The following STK38L variants were observed in gnomAD, a reference collection of about 807,000 sequenced individuals.
STK38L encodes the protein serine/threonine kinase 38 like.
STK38L carries 28 observed loss-of-function variants against 59.7 expected under a neutral mutation model. The ratio of observed to expected loss-of-function variants is 0.47; its 90% CI spans 0.35 to 0.64. The LOEUF is 0.64. STK38L is among the 30% of genes least tolerant of loss of function. The pLI is 0.01. For synonymous variants in STK38L, 162 were observed against 176.8 expected, an observed-to-expected ratio of 0.92 and a Z score of 0.66; for missense variants, 314 against 555.8, an observed-to-expected ratio of 0.56 and a Z score of 4.37.
Position 27,297,746 on chromosome 12 carries a change from C to T in STK38L, c.26C>T (p.Thr9Ile), listed in dbSNP as rs1944060163. Residue 9 changes from threonine to isoleucine, a missense_variant, in exon 2 of 14, where the codon ACA (threonine) becomes ATA (isoleucine). By Grantham distance (89) the Thr-to-Ile change is moderately conservative (BLOSUM62 -1). This residue lies in a region of STK38L where 192 missense variants were observed against 316.9 expected (regional missense o/e 0.61). Transcript: ENST00000389032. MAMTAGTT[T>I]TFPMSNHTRE... Reference sequence around the variant, plus strand: ...ATGGCAATGACGGCAGGGACTACAACAACCTTTCCTATGAGCAACCATACC... The same window carrying T: ...ATGGCAATGACGGCAGGGACTACAATAACCTTTCCTATGAGCAACCATACC... 6.2e-7 allele frequency: 1 copy of T among 1,613,976 alleles called. No individual in the cohort carries two copies. Among genetic ancestry groups the T allele is most frequent in the East Asian group, 2.2e-5 (1 of 44,876 alleles).
chr12:27,320,045 T>G (rs2136653282), intron 12 of STK38L, among the ~76,000 whole-genome samples: 1 of 152,324 alleles, frequency 6.6e-6, no homozygotes, highest in East Asian at 1.9e-4. Context: ...GGCGATTGCC[T>G]CATCTGCAGG....
intron 1 of STK38L, among the ~76,000 whole-genome samples, chr12:27,256,303 T>C (rs777134111): frequency 6.6e-6 from 1 of 152,216 alleles, no homozygotes; most frequent in Non-Finnish European, 1.5e-5. Context: ...GGCTCCTTAG[T>C]GTGACACATG....
intron 1 of STK38L, among the ~76,000 whole-genome samples, chr12:27,288,153 A>C (rs891882805): frequency 6.6e-6 from 1 of 152,204 alleles, no homozygotes; most frequent in South Asian, 2.1e-4. Context: ...AAGGGGTTAC[A>C]GAGACATGAG....
chr12:27,320,028 A>C (rs1591948701), intron 12 of STK38L, among the ~76,000 whole-genome samples: 1 of 152,190 alleles, frequency 6.6e-6, no homozygotes, highest in South Asian at 2.1e-4. Flanking sequence ...TTAGGACTGC[A>C]GGATATGGCG....
chr12:27,254,807 C>T (rs911582221), intron 1 of STK38L, among the ~76,000 whole-genome samples: 4 of 151,848 alleles, frequency 2.6e-5, no homozygotes, highest in Non-Finnish European at 2.9e-5. Context: ...AGAGAGGGGG[C>T]GGGAGAAAAA....
chr12:27,248,804 G>A (rs753887913), intron 1 of STK38L, among the ~76,000 whole-genome samples: 2 of 152,170 alleles, frequency 1.3e-5, no homozygotes, highest in African/African-American at 2.4e-5. Context: ...TTTAAAGCAC[G>A]TGTGTTTATA....
At chr12:27,302,409 G>A (rs371527192) in intron 3 of STK38L, 2 of 343,370 alleles carry the variant, frequency 5.8e-6, no homozygotes, top group East Asian at 4.8e-5. Context: ...ATTGCCAAGT[G>A]TATTTTAGGT....
chr12:27,308,419 C>CT lies in STK38L; in HGVS notation c.270dup (p.Glu91Ter). ...AAAGGACCAGACTTGGCTTGGATGA[C>CT]TTTGAGTCTCTGAAAGTTATAGGAA... On this transcript the variant is annotated frameshift_variant, in exon 4 of 14. Transcript: ENST00000389032. LOFTEE classifies it high-confidence loss of function. This position sits in a 1 kb window ranked among gnomAD's most constrained non-coding sequence, Gnocchi z 4.5. 6.3e-7 allele frequency: 1 copy of CT among 1,597,216 alleles called. No individual in the cohort carries two copies. Among genetic ancestry groups the CT allele is most frequent in the Non-Finnish European group, 8.5e-7 (1 of 1,169,992 alleles).
chr12:27,295,316 A>G (rs770463531), intron 1 of STK38L, among the ~76,000 whole-genome samples: 1 of 152,228 alleles, frequency 6.6e-6, no homozygotes, highest in Non-Finnish European at 1.5e-5. Flanking sequence ...AGGCCTGTGA[A>G]CCAGGCAGAG....
At chr12:27,268,080 TCTG>T (rs1943337077) in intron 1 of STK38L, among the ~76,000 whole-genome samples, 1 of 152,216 alleles carries the variant, frequency 6.6e-6, no homozygotes, top group Non-Finnish European at 1.5e-5. Context: ...ACAATTATCT[TCTG>T]CTAGTCGGTG....
At chr12:27,251,650 A>G (rs183039639) in intron 1 of STK38L, among the ~76,000 whole-genome samples, 24 of 152,380 alleles carry the variant, frequency 1.6e-4, no homozygotes, top group Admixed American at 8.5e-4. Context: ...TACAGTGCTG[A>G]AATAAATGAT....
intron 7 of STK38L, 139 bp downstream of exon 7, chr12:27,314,797 T>C: frequency 9.5e-7 from 1 of 1,054,894 alleles, no homozygotes; most frequent in African/African-American, 1.6e-5. Context: ...AGGAGAGGAC[T>C]TGGGAATTAA....
chr12:27,248,233 G>A (rs774694206), intron 1 of STK38L, among the ~76,000 whole-genome samples: 23 of 152,176 alleles, frequency 1.5e-4, no homozygotes, highest in Non-Finnish European at 2.4e-4. Flanking sequence ...TTCATGAATA[G>A]CTATGCTTAT....
chr12:27,260,337 A>G (rs370013155), intron 1 of STK38L, among the ~76,000 whole-genome samples: 18 of 152,232 alleles, frequency 1.2e-4, no homozygotes, highest in Non-Finnish European at 2.9e-5. Flanking sequence ...CTTCAGGGCA[A>G]TAATCATGTT....
chr12:27,248,363 A>G (rs894539207), intron 1 of STK38L, among the ~76,000 whole-genome samples: 5 of 152,218 alleles, frequency 3.3e-5, no homozygotes, highest in Non-Finnish European at 7.3e-5. Flanking sequence ...AAAGGGTGCT[A>G]TAGAAGTGCA....
At chr12:27,249,956 T>G (rs2136599964) in intron 1 of STK38L, among the ~76,000 whole-genome samples, 1 of 152,348 alleles carries the variant, frequency 6.6e-6, no homozygotes, top group East Asian at 1.9e-4. Flanking sequence ...CTTTTGCAGT[T>G]CCTGAATAGG....
intron 12 of STK38L, among the ~76,000 whole-genome samples, 175 bp from the exon 13 acceptor site, chr12:27,321,968 T>A (rs1326224357): frequency 1.3e-5 from 2 of 152,172 alleles, no homozygotes; most frequent in Non-Finnish European, 2.9e-5. Context: ...AACATTTTAA[T>A]AAAAAATTAT....
chr12:27,280,485 A>T (rs1943630339), intron 1 of STK38L, among the ~76,000 whole-genome samples: 1 of 151,894 alleles, frequency 6.6e-6, no homozygotes. Flanking sequence ...GATGAGAGGG[A>T]CTCCTTTGTC....
At position 27,320,353 on chromosome 12, in the gene STK38L, A is replaced by C. The variant is rs10219756; in HGVS notation, c.1175+930A>C. On this transcript the variant is annotated intron_variant, in intron 12 of 13. Transcript: ENST00000389032. ...ATGATCATGGCTCACCGCAGCCTCG[A>C]CCTCCAGGCCTCAAATGATCCCCCC... Among the ~76,000 whole-genome samples the C allele has an allele frequency of 8.9e-3, 1,340 of 150,432 alleles. 20 individuals carry two copies. Among genetic ancestry groups the C allele is most frequent in the Middle Eastern group, 0.027 (8 of 292 alleles).
Sources: gnomAD v4.1 joint callset for allele counts (sites outside exome capture counted in the v4.1 genomes callset) on GRCh38, gnomAD v4.1.1 for gene constraint, gnomAD v4.1.1 regional missense constraint, Gnocchi (gnomAD v3.1) non-coding constraint, MANE v1.5 for transcripts, NCBI Gene and HGNC (gene_info 2026-07-23, HGNC 2026-07-21) for gene names.